APBA2: variants seen among roughly 807,000 people sequenced by gnomAD.
APBA2 encodes amyloid-beta A4 precursor protein-binding family A member 2.
Under a neutral mutation model 75.0 loss-of-function variants are expected in APBA2, and 30 were observed. That is an observed-to-expected ratio of 0.40 (90% CI 0.30 to 0.54). APBA2 has a LOEUF of 0.54. Among genes scored for constraint, APBA2 ranks in the 20% least tolerant of loss-of-function variants. The probability of loss-of-function intolerance (pLI) is 0.49; values close to 1 mark genes in which losing one functional copy is unlikely to be tolerated. For synonymous variants in APBA2, 444 were observed against 409.6 expected, an observed-to-expected ratio of 1.08 and a Z score of -1.01; for missense variants, 801 against 1,016.1, an observed-to-expected ratio of 0.79 and a Z score of 2.88.
At chr15:28,898,670 G>C (rs2032658869) in intron 1 of APBA2, among the ~76,000 whole-genome samples, 1 of 152,094 alleles carries the variant, frequency 6.6e-6, no homozygotes, top group African/African-American at 2.4e-5. Context: ...TTATGCTATG[G>C]AACTTTTCTG....
chr15:29,024,462 C>T (rs552547369), intron 3 of APBA2, among the ~76,000 whole-genome samples: 11 of 152,278 alleles, frequency 7.2e-5, no homozygotes, highest in Admixed American at 5.9e-4. Context: ...CCTGATGTCT[C>T]CACTCCTTCT....
intron 3 of APBA2, among the ~76,000 whole-genome samples, chr15:29,014,719 T>TTA (rs1299529082): frequency 6.6e-6 from 1 of 151,570 alleles, no homozygotes; most frequent in African/African-American, 2.4e-5. Context: ...TTTTTTTTTT[T>TTA]TTTTAAAGAG....
intron 3 of APBA2, among the ~76,000 whole-genome samples, chr15:29,014,159 T>G (rs1408554965): frequency 6.6e-6 from 1 of 152,236 alleles, no homozygotes; most frequent in Non-Finnish European, 1.5e-5. Flanking sequence ...GATGCCTGCT[T>G]ATTGTGCTCA....
chr15:28,938,236 C>G (rs2152699744), intron 2 of APBA2, among the ~76,000 whole-genome samples: 1 of 152,308 alleles, frequency 6.6e-6, no homozygotes. Flanking sequence ...GCTAACAACT[C>G]TACTCTTTAA....
chr15:29,075,005 AT>A lies in APBA2; in HGVS notation c.1032+11del. The A allele has an allele frequency of 6.2e-7, 1 of 1,611,720 alleles. No homozygotes were observed. The highest frequency in any genetic ancestry group is 2.2e-5 in the East Asian group (1 of 44,860). ...TGACAATAACAACATTCCAGAGGTA[AT>A]TTTTTTCAAGGATGAGAGTTCTGGG... is the stretch of plus-strand genomic sequence containing the variant. On this transcript the variant is annotated splice_donor_5th_base_variant and intron_variant, in intron 5 of 14. Coordinates refer to ENST00000683413, the MANE Select transcript of APBA2 (RefSeq NM_001353788.2).
At chr15:29,002,082 A>C (rs1415252634) in intron 3 of APBA2, among the ~76,000 whole-genome samples, 1 of 152,206 alleles carries the variant, frequency 6.6e-6, no homozygotes, top group Non-Finnish European at 1.5e-5. Context: ...CCCGTCTTGG[A>C]CACTCCCAAA....
chr15:29,025,613 G>A (rs1468285500), intron 3 of APBA2, among the ~76,000 whole-genome samples: 1 of 152,014 alleles, frequency 6.6e-6, no homozygotes. Context: ...CAGGGGAGAC[G>A]GATGGTGGTG....
At chr15:29,029,211 C>T (rs1333755219) in intron 3 of APBA2, among the ~76,000 whole-genome samples, 1 of 151,970 alleles carries the variant, frequency 6.6e-6, no homozygotes, top group Admixed American at 6.6e-5. Flanking sequence ...GGTCCAGTTT[C>T]AATTTTTTGC....
intron 2 of APBA2, among the ~76,000 whole-genome samples, chr15:28,975,445 A>G (rs1333485835): frequency 6.6e-6 from 1 of 152,226 alleles, no homozygotes; most frequent in Non-Finnish European, 1.5e-5. Flanking sequence ...AGACAACTGG[A>G]TAGCCATTTG....
intron 2 of APBA2, among the ~76,000 whole-genome samples, chr15:28,934,333 C>T (rs1356303692): frequency 6.6e-6 from 1 of 152,152 alleles, no homozygotes; most frequent in Admixed American, 6.5e-5. Flanking sequence ...TGCCAGGGCT[C>T]AGTGTGGGTT....
intron 10 of APBA2, chr15:29,102,380 G>A (rs900570986): frequency 6.3e-6 from 1 of 159,394 alleles, no homozygotes; most frequent in Non-Finnish European, 1.4e-5. Flanking sequence ...TGTCCTTCCT[G>A]GAGGCTGATC....
chr15:29,080,586 C>T (rs577872155), intron 6 of APBA2, among the ~76,000 whole-genome samples: 17 of 152,226 alleles, frequency 1.1e-4, no homozygotes, highest in East Asian at 1.9e-4. Context: ...TATGAAAGTG[C>T]GGATTGCACA....
At position 29,054,229 on chromosome 15, in the gene APBA2, C is replaced by G; in HGVS notation, c.345C>G (p.Asp115Glu). The change falls in exon 4 of 15, where the codon GAC (aspartate) becomes GAG (glutamate). Residue 115 changes from aspartate to glutamate, a missense_variant. Around this residue, in one of 2 missense-constraint regions of APBA2, gnomAD observed 434 missense variants for 471.6 expected, o/e 0.92. Transcript: ENST00000683413. The surrounding 1 kb of genome is among the most constrained non-coding windows in gnomAD (Gnocchi z 6.1). ...PEDDSYLEGM[D>E]CNGEEYLAHS... ...ACGACAGCTACCTAGAGGGCATGGA[C>G]TGCAACGGGGAGGAGTACCTGGCCC... 1.2e-6 allele frequency: 2 copies of G among 1,614,170 alleles called. No individual in the cohort carries two copies. The highest frequency in any genetic ancestry group is 1.7e-6 in the Non-Finnish European group (2 of 1,180,038).
At chr15:28,971,984 A>G (rs2037093867) in intron 2 of APBA2, among the ~76,000 whole-genome samples, 1 of 152,254 alleles carries the variant, frequency 6.6e-6, no homozygotes, top group African/African-American at 2.4e-5. Flanking sequence ...AGGCAATTGC[A>G]AATGTGAAAA....
chr15:29,117,157 C>A lies in APBA2; in HGVS notation c.*24C>A, dbSNP rs1451550127. ...AGGCCACCCCAGCCTGGCCACGCAG[C>A]CAGGACACCGGGCAGGGCCGCCCGG... On this transcript the variant is annotated 3_prime_UTR_variant, in exon 15 of 15. Transcript: ENST00000683413. The A allele has an allele frequency of 6.2e-7, 1 of 1,611,454 alleles. No homozygotes were observed. Among genetic ancestry groups the A allele is most frequent in the Admixed American group, 1.7e-5 (1 of 60,018 alleles).
At chr15:28,969,130 T>C (rs760538094) in intron 2 of APBA2, among the ~76,000 whole-genome samples, 3 of 45,426 alleles carry the variant, frequency 6.6e-5, no homozygotes, top group African/African-American at 7.9e-4. Flanking sequence ...TCATTTCTTT[T>C]TCTTTCTTTC....
chr15:29,038,211 C>G (rs2040843368), intron 3 of APBA2, among the ~76,000 whole-genome samples: 2 of 152,176 alleles, frequency 1.3e-5, no homozygotes, highest in South Asian at 4.1e-4. Context: ...AGGGTCTCCT[C>G]TTCGTTTTGG....
chr15:29,090,198 GGGT>G (rs1259093085), intron 6 of APBA2, among the ~76,000 whole-genome samples: 1 of 152,226 alleles, frequency 6.6e-6, no homozygotes, highest in East Asian at 1.9e-4. Context: ...AGGCAGAGGT[GGGT>G]GGTGGCTGGA....
intron 2 of APBA2, among the ~76,000 whole-genome samples, chr15:28,981,105 T>C (rs1438016426): frequency 6.6e-6 from 1 of 152,226 alleles, no homozygotes; most frequent in East Asian, 1.9e-4. Context: ...TTCTGGATAT[T>C]GGCCTTGGGA....
Sources: allele counts gnomAD v4.1 joint callset (sites outside exome capture counted in the v4.1 genomes callset), GRCh38; gene constraint gnomAD v4.1.1; regional missense constraint gnomAD v4.1.1; non-coding constraint Gnocchi (gnomAD v3.1); transcripts MANE v1.5; gene names NCBI Gene and HGNC (gene_info 2026-07-23, HGNC 2026-07-21).